NR5A2: variants seen among roughly 807,000 people sequenced by gnomAD.
The protein encoded by NR5A2 is CYP7A promoter-binding factor.
Under a neutral mutation model 62.7 loss-of-function variants are expected in NR5A2, and 26 were observed. The observed-to-expected ratio is 0.41, with a 90% CI of 0.30 to 0.58. The LOEUF (loss-of-function observed/expected upper bound fraction) is 0.58, where lower values mean the gene tolerates loss of function less well. Among genes scored for constraint, NR5A2 ranks in the 20% least tolerant of loss-of-function variants. NR5A2 has a pLI of 0.22. For missense variants in NR5A2, 541 were observed against 669.1 expected (o/e 0.81, Z 2.11); for synonymous variants, 246 against 241.7 (o/e 1.02, Z -0.16).
Position 200,153,877 on chromosome 1 carries a change from AATTATG to A in NR5A2, c.1379-20080_1379-20075del, listed in dbSNP as rs1441719701. Among the ~76,000 whole-genome samples, 8 of 152,286 alleles carry A rather than the reference AATTATG, an allele frequency of 5.3e-5. No homozygotes were observed. In the South Asian group the frequency reaches 8.3e-4, roughly 16 times the overall value. ...ATCAAACACAGATGAAAGCAAAGACAATTATGATTATAATTATTTCATTCCCTAATC... is the reference window on the plus strand; with the variant it reads ...ATCAAACACAGATGAAAGCAAAGACAATTATAATTATTTCATTCCCTAATC... On this transcript the variant is annotated intron_variant, in intron 7 of 7. Transcript: ENST00000367362.
chr1:200,081,684 T>C (rs1664298892), intron 5 of NR5A2, among the ~76,000 whole-genome samples: 1 of 152,162 alleles, frequency 6.6e-6, no homozygotes, highest in Admixed American at 6.5e-5. Context: ...CGCTTATTGT[T>C]GCAAAATTAG....
Position 200,039,902 on chromosome 1 carries a change from T to C in NR5A2, c.202+107T>C. 1 of 1,310,306 alleles carries C rather than the reference T, an allele frequency of 7.6e-7. No individual in the cohort carries two copies. The highest frequency in any genetic ancestry group is 1.0e-6 in the Non-Finnish European group (1 of 996,608). The allele number at this position is 1,310,306 out of a possible 1,614,324, so 81.2% of individuals were successfully genotyped here. A position where few individuals can be genotyped will look rare whatever the true frequency, so the allele number is the denominator to read the frequency against. ...CGCGCGGGCGCGGGAGTAGCCCCGC[T>C]GGGCGCTCGCAGCCGCGGGAGTCAA... On this transcript the variant is annotated intron_variant, in intron 2 of 7. Coordinates refer to ENST00000367362, the MANE Select transcript of NR5A2 (RefSeq NM_205860.3). The surrounding 1 kb of genome is among the most constrained non-coding windows in gnomAD (Gnocchi z 5.1).
chr1:200,051,259 AAAT>A (rs1662617364), intron 5 of NR5A2, among the ~76,000 whole-genome samples: 1 of 150,670 alleles, frequency 6.6e-6, no homozygotes. Flanking sequence ...ACAAGGAAAG[AAAT>A]AATGCATATT....
chr1:200,128,289 C>A (rs992689885), intron 7 of NR5A2, among the ~76,000 whole-genome samples: 6 of 152,172 alleles, frequency 3.9e-5, no homozygotes, highest in Non-Finnish European at 8.8e-5. Flanking sequence ...TGGACTCACG[C>A]AGTTCAAACC....
At chr1:200,168,427 G>T (rs534663105) in intron 7 of NR5A2, among the ~76,000 whole-genome samples, 1 of 152,062 alleles carries the variant, frequency 6.6e-6, no homozygotes, top group African/African-American at 2.4e-5. Flanking sequence ...GTGGTGCCTA[G>T]GCTGGTCTCA....
At chr1:200,126,293 T>C (rs1666697790) in intron 7 of NR5A2, among the ~76,000 whole-genome samples, 1 of 152,224 alleles carries the variant, frequency 6.6e-6, no homozygotes, top group African/African-American at 2.4e-5. Context: ...GCTCTATGGT[T>C]GTTCTGGTTT....
intron 5 of NR5A2, among the ~76,000 whole-genome samples, chr1:200,054,823 A>T (rs1398604164): frequency 6.6e-6 from 1 of 152,192 alleles, no homozygotes; most frequent in South Asian, 2.1e-4. Context: ...ACCTTTCCCA[A>T]TGCAGGCCTA....
intron 7 of NR5A2, among the ~76,000 whole-genome samples, chr1:200,142,500 G>A (rs1667491354): frequency 6.6e-6 from 1 of 151,378 alleles, no homozygotes; most frequent in Admixed American, 6.6e-5. Flanking sequence ...CCAGCCTAAA[G>A]ACTTCTTTTT....
At chr1:200,084,075 C>T (rs964961177) in intron 5 of NR5A2, among the ~76,000 whole-genome samples, 1 of 151,626 alleles carries the variant, frequency 6.6e-6, no homozygotes, top group Non-Finnish European at 1.5e-5. Flanking sequence ...TCAGTAAATA[C>T]TTATCAAGTA....
At chr1:200,166,515 A>G (rs941380008) in intron 7 of NR5A2, among the ~76,000 whole-genome samples, 1 of 152,224 alleles carries the variant, frequency 6.6e-6, no homozygotes, top group Non-Finnish European at 1.5e-5. Flanking sequence ...ATTCATTCGC[A>G]TATCATGAGA....
chr1:200,121,999 T>C (rs1458960942), intron 7 of NR5A2, among the ~76,000 whole-genome samples: 1 of 152,172 alleles, frequency 6.6e-6, no homozygotes, highest in Non-Finnish European at 1.5e-5. Flanking sequence ...AGAACCAGAG[T>C]TAATTTTTCA....
At chr1:200,067,110 CAG>C (rs756222695) in intron 5 of NR5A2, among the ~76,000 whole-genome samples, 12 of 152,096 alleles carry the variant, frequency 7.9e-5, no homozygotes, top group African/African-American at 9.7e-5. Flanking sequence ...GTAATTAAGA[CAG>C]AGGGGTATAA....
chr1:200,167,809 G>A (rs1653975381), intron 7 of NR5A2, among the ~76,000 whole-genome samples: 1 of 152,166 alleles, frequency 6.6e-6, no homozygotes, highest in African/African-American at 2.4e-5. Flanking sequence ...ACCACTGTCT[G>A]CTAGGATGTG....
chr1:200,073,298 T>TTA lies in NR5A2; in HGVS notation c.1110+24496_1110+24497dup, dbSNP rs771272912. Reference sequence around the variant, plus strand: ...TATATATATATATATATATTCCCCTTTATATATATATATATATTCCCCTTT... The same window carrying TTA: ...TATATATATATATATATATTCCCCTTTATATATATATATATATATTCCCCTTT... On this transcript the variant is annotated intron_variant, in intron 5 of 7. Coordinates refer to ENST00000367362, the MANE Select transcript of NR5A2 (RefSeq NM_205860.3). 2.1e-3 allele frequency among the ~76,000 whole-genome samples: 249 copies of TTA among 116,302 alleles called. 13 individuals are homozygous for TTA. Among genetic ancestry groups the TTA allele is most frequent in the African/African-American group, 5.0e-3 (146 of 29,104 alleles). 76.3% of individuals were successfully genotyped at this position (116,302 alleles called of 152,430 possible). A position where few individuals can be genotyped will look rare whatever the true frequency, so the allele number is the denominator to read the frequency against.
At chr1:200,127,243 T>C (rs1302834896) in intron 7 of NR5A2, among the ~76,000 whole-genome samples, 2 of 152,312 alleles carry the variant, frequency 1.3e-5, no homozygotes, top group Non-Finnish European at 1.5e-5. Context: ...ATGAGCATAT[T>C]AAAAATACTG....
rs138373252 is a variant in NR5A2, at chr1:200,050,688, C to A, written c.1110+1870C>A. Among the ~76,000 whole-genome samples, 1,015 of 152,172 alleles carry A rather than the reference C, an allele frequency of 6.7e-3. 10 individuals carry two copies. The highest frequency in any genetic ancestry group is 0.023 in the African/African-American group (974 of 41,514). Reference sequence around the variant, plus strand: ...GGCGGATCACCTGAGGTCAGGAGTACGAGACCAGCCTGACCAATATGGAGA... The same window carrying A: ...GGCGGATCACCTGAGGTCAGGAGTAAGAGACCAGCCTGACCAATATGGAGA... On this transcript the variant is annotated intron_variant, in intron 5 of 7. Transcript: ENST00000367362.
At chr1:200,164,628 A>C (rs1653807922) in intron 7 of NR5A2, among the ~76,000 whole-genome samples, 2 of 151,002 alleles carry the variant, frequency 1.3e-5, no homozygotes, top group African/African-American at 4.9e-5. Context: ...GCTCACTGCA[A>C]CCTCCACCTC....
intron 7 of NR5A2, among the ~76,000 whole-genome samples, chr1:200,123,862 C>T (rs1445363466): frequency 1.4e-5 from 2 of 147,118 alleles, no homozygotes; most frequent in Admixed American, 7.0e-5. Context: ...AGTGCAATGG[C>T]ATGATCTCAG....
intron 7 of NR5A2, among the ~76,000 whole-genome samples, chr1:200,159,429 C>G (rs1039555399): frequency 9.9e-5 from 15 of 152,076 alleles, no homozygotes; most frequent in Non-Finnish European, 1.8e-4. Context: ...CCCAGGGATA[C>G]TGGGGTTGGG....
Sources: allele counts gnomAD v4.1 joint callset (sites outside exome capture counted in the v4.1 genomes callset), GRCh38; gene constraint gnomAD v4.1.1; non-coding constraint Gnocchi (gnomAD v3.1); transcripts MANE v1.5; gene names NCBI Gene and HGNC (gene_info 2026-07-23, HGNC 2026-07-21).